PPFIA2: variants seen among roughly 807,000 people sequenced by gnomAD.
PPFIA2 encodes the protein PPFI scaffold protein A2, also known as liprin-alpha-2.
Under a neutral mutation model 175.5 loss-of-function variants are expected in PPFIA2, and 46 were observed. The ratio of observed to expected loss-of-function variants is 0.26; its 90% CI spans 0.21 to 0.34. The LOEUF (loss-of-function observed/expected upper bound fraction) is 0.34. Among genes scored for constraint, PPFIA2 ranks in the 10% least tolerant of loss-of-function variants. The pLI, the probability that PPFIA2 is intolerant of heterozygous loss-of-function variation, is 1.00. For missense variants in PPFIA2, 1,179 were observed against 1,506.1 expected, an observed-to-expected ratio of 0.78 and a Z score of 3.60; for synonymous variants, 568 against 511.4, an observed-to-expected ratio of 1.11 and a Z score of -1.49.
intron 4 of PPFIA2, among the ~76,000 whole-genome samples, chr12:81,644,881 C>T (rs771526579): frequency 3.3e-5 from 5 of 151,770 alleles, no homozygotes; most frequent in Admixed American, 1.3e-4. Flanking sequence ...TTTTTAAATG[C>T]TAAAAGTATA....
At position 81,642,654 on chromosome 12, in the gene PPFIA2, GTATCTATTATATACATACATGTATGTATC is replaced by G. The variant is rs1567685466; in HGVS notation, c.303+34108_303+34136del. ...ATATCTATTATATACATACATGTAT[GTATCTATTATATACATACATGTATGTATC>G]TATTATATACATACATGTATATGTA... On this transcript the variant is annotated intron_variant, in intron 4 of 32. Transcript: ENST00000549396. Among the ~76,000 whole-genome samples the G allele has an allele frequency of 3.5e-5, 4 of 113,622 alleles. 1 individual carries two copies. Among genetic ancestry groups the G allele is most frequent in the East Asian group, 4.6e-4 (1 of 2,190 alleles). 74.5% of individuals were successfully genotyped at this position (113,622 alleles called of 152,430 possible).
intron 3 of PPFIA2, among the ~76,000 whole-genome samples, chr12:81,751,564 C>CAT (rs1365364753): frequency 7.0e-6 from 1 of 142,110 alleles, no homozygotes; most frequent in Non-Finnish European, 1.6e-5. Context: ...CACACACACA[C>CAT]ATATACAGAG....
chr12:81,261,368 C>T (rs2035472505), intron 32 of PPFIA2, among the ~76,000 whole-genome samples: 1 of 152,124 alleles, frequency 6.6e-6, no homozygotes, highest in African/African-American at 2.4e-5. Flanking sequence ...GGGAGTGCAA[C>T]ACCATGCCTG....
intron 22 of PPFIA2, among the ~76,000 whole-genome samples, chr12:81,309,276 C>G (rs1187625580): frequency 6.6e-6 from 1 of 152,054 alleles, no homozygotes; most frequent in South Asian, 2.1e-4. Context: ...ATTTGAGAAG[C>G]TAGTTGAAAT....
rs35938564 is a variant in PPFIA2, at chr12:81,716,551, A to AACAC, written c.249+37418_249+37421dup. On this transcript the variant is annotated intron_variant, in intron 3 of 32. Coordinates refer to ENST00000549396, the MANE Select transcript of PPFIA2 (RefSeq NM_003625.5). ...GATAGTAAAATACTTGGAAAGTACC[A>AACAC]ACACACACACACACACACACACACA... is the stretch of plus-strand genomic sequence containing the variant. Among the ~76,000 whole-genome samples, 641 of 147,890 alleles carry AACAC rather than the reference A, an allele frequency of 4.3e-3. 2 individuals carry two copies. The highest frequency in any genetic ancestry group is 0.011 in the Admixed American group (165 of 14,686).
intron 4 of PPFIA2, among the ~76,000 whole-genome samples, chr12:81,582,087 A>T (rs1422951301): frequency 6.6e-6 from 1 of 151,796 alleles, no homozygotes; most frequent in Non-Finnish European, 1.5e-5. Context: ...CAATATCGAG[A>T]TTTGACTAAG....
chr12:81,370,829 T>C (rs150721704), intron 11 of PPFIA2, among the ~76,000 whole-genome samples: 1 of 151,894 alleles, frequency 6.6e-6, no homozygotes, highest in African/African-American at 2.4e-5. Context: ...AATTATTACA[T>C]TTAAAGGACT....
At chr12:81,299,811 C>A (rs756500150) in intron 22 of PPFIA2, among the ~76,000 whole-genome samples, 1 of 152,082 alleles carries the variant, frequency 6.6e-6, no homozygotes, top group Non-Finnish European at 1.5e-5. Context: ...TATAGAGAGG[C>A]AGAAGATAAA....
intron 28 of PPFIA2, among the ~76,000 whole-genome samples, 153 bp from the exon 29 acceptor site, chr12:81,268,240 G>A (rs1273648917): frequency 7.1e-6 from 1 of 141,174 alleles, no homozygotes; most frequent in African/African-American, 2.6e-5. Context: ...CCGGGTTCAC[G>A]CCATTCTCCT....
intron 3 of PPFIA2, among the ~76,000 whole-genome samples, chr12:81,694,198 G>A (rs940366794): frequency 6.6e-6 from 1 of 152,142 alleles, no homozygotes; most frequent in African/African-American, 2.4e-5. Context: ...AGAGAAATTT[G>A]CATAACTAAA....
rs557651362 is a variant in PPFIA2 at position 81,664,886 on chromosome 12, A to T, written c.303+11905T>A. The stretch of plus-strand genomic sequence containing the variant: ...AAAAGGATGAGTTAATGTCCTTTGT[A>T]GGGACATGGATGAAGCTGGAAACCA... On this transcript the variant is annotated intron_variant, in intron 4 of 32. Coordinates refer to ENST00000549396, the MANE Select transcript of PPFIA2 (RefSeq NM_003625.5). 5.9e-5 allele frequency among the ~76,000 whole-genome samples: 9 copies of T among 152,178 alleles called. No individual in the cohort carries two copies. In the South Asian group the frequency reaches 1.9e-3, roughly 32 times the overall value.
At chr12:81,495,595 A>G (rs1177775945) in intron 4 of PPFIA2, among the ~76,000 whole-genome samples, 1 of 152,190 alleles carries the variant, frequency 6.6e-6, no homozygotes, top group Non-Finnish European at 1.5e-5. Context: ...GCTTGAGCCC[A>G]GGAATTCAAG....
intron 4 of PPFIA2, among the ~76,000 whole-genome samples, chr12:81,463,005 T>C (rs2054926062): frequency 6.6e-6 from 1 of 152,054 alleles, no homozygotes; most frequent in East Asian, 1.9e-4. Context: ...ATTTCTCTAG[T>C]CTAGCATTTC....
intron 4 of PPFIA2, among the ~76,000 whole-genome samples, chr12:81,653,860 C>T (rs985141271): frequency 1.3e-5 from 2 of 151,984 alleles, no homozygotes; most frequent in African/African-American, 4.8e-5. Context: ...GTTTCCTTCA[C>T]AATGCCAGCC....
Position 81,495,115 on chromosome 12 carries a change from A to G in PPFIA2, c.304-37249T>C, listed in dbSNP as rs907236066. ...TAATAATAATAAAATTTTAAAAAAA[A>G]GAAAAAGTGTCGTTTAGGACATCAG... is the stretch of plus-strand genomic sequence containing the variant. On this transcript the variant is annotated intron_variant, in intron 4 of 32. Coordinates refer to ENST00000549396, the MANE Select transcript of PPFIA2 (RefSeq NM_003625.5). Among the ~76,000 whole-genome samples the G allele has an allele frequency of 2.8e-3, 433 of 152,172 alleles. 6 individuals are homozygous for G. Among genetic ancestry groups the G allele is most frequent in the Non-Finnish European group, 3.7e-3 (250 of 67,990 alleles).
At chr12:81,376,717 GA>G (rs1253172908) in intron 9 of PPFIA2, among the ~76,000 whole-genome samples, 11 of 152,142 alleles carry the variant, frequency 7.2e-5, no homozygotes, top group Non-Finnish European at 1.5e-4. Flanking sequence ...GATGTTGGGT[GA>G]AAATCAAGTG....
intron 14 of PPFIA2, 102 bp from the exon 15 acceptor site, chr12:81,362,886 A>C: frequency 1.5e-6 from 1 of 687,900 alleles, no homozygotes; most frequent in Non-Finnish European, 2.4e-6. Context: ...AACTGAGGAT[A>C]TATTTTTATT....
chr12:81,394,737 G>C (rs2040791072), intron 8 of PPFIA2, among the ~76,000 whole-genome samples: 1 of 151,594 alleles, frequency 6.6e-6, no homozygotes, highest in South Asian at 2.1e-4. Context: ...AGGTTGATAG[G>C]TGCAGCAAAC....
chr12:81,424,195 A>G (rs1310113704), intron 7 of PPFIA2, among the ~76,000 whole-genome samples: 1 of 152,108 alleles, frequency 6.6e-6, no homozygotes, highest in East Asian at 1.9e-4. Context: ...AAACCATTAT[A>G]TTAGAATTTT....
Sources: gnomAD v4.1 joint callset for allele counts (sites outside exome capture counted in the v4.1 genomes callset) on GRCh38, gnomAD v4.1.1 for gene constraint, MANE v1.5 for transcripts, NCBI Gene and HGNC (gene_info 2026-07-23, HGNC 2026-07-21) for gene names.